The following RUFY1 variants were observed in gnomAD, a reference collection of about 807,000 sequenced individuals.
RUFY1 encodes the protein RUN and FYVE domain containing 1, also known as RUN and FYVE domain-containing protein 1.
RUFY1 carries 54 observed loss-of-function variants against 94.6 expected under a neutral mutation model. That is an observed-to-expected ratio of 0.57 (90% CI 0.46 to 0.72). RUFY1 has a LOEUF of 0.72. Ranked by LOEUF, RUFY1 falls within the 30% of genes least tolerant of loss-of-function variation. The pLI, the probability that RUFY1 is intolerant of heterozygous loss-of-function variation, is 0.00. For synonymous variants in RUFY1, 396 were observed against 347.3 expected (o/e 1.14, Z -1.56); for missense variants, 883 against 883.9 (o/e 1.00, Z 0.01).
intron 7 of RUFY1, among the ~76,000 whole-genome samples, chr5:179,583,803 G>A (rs1194157686): frequency 6.6e-6 from 1 of 151,026 alleles, no homozygotes; most frequent in Admixed American, 6.6e-5. Flanking sequence ...AGGCTGGAGT[G>A]CAGTGGCATG....
At chr5:179,559,391 A>G (rs994694084) in intron 1 of RUFY1, among the ~76,000 whole-genome samples, 2 of 152,264 alleles carry the variant, frequency 1.3e-5, no homozygotes, top group Admixed American at 1.3e-4. Flanking sequence ...AAAATTGTCC[A>G]CTAGTAGCGG....
At chr5:179,607,534 C>A (rs753436220) in intron 16 of RUFY1, 48 bp from the exon 17 acceptor site, 5 of 1,545,034 alleles carry the variant, frequency 3.2e-6, no homozygotes, top group African/African-American at 1.4e-5. Flanking sequence ...ACCCACTCAT[C>A]AGGGGCTTAG....
chr5:179,596,125 T>TA, intron 12 of RUFY1: 2 of 237,842 alleles, frequency 8.4e-6, no homozygotes, highest in South Asian at 9.2e-5. Flanking sequence ...AACAAAGTGG[T>TA]ACGTCTGTGC....
intron 1 of RUFY1, among the ~76,000 whole-genome samples, chr5:179,551,729 G>C (rs1172301978): frequency 6.9e-6 from 1 of 144,868 alleles, no homozygotes; most frequent in East Asian, 2.0e-4. Flanking sequence ...TGGCCAGGCT[G>C]GTCTTGAACT....
rs150106464 is a variant in RUFY1, at chr5:179,596,925, A to C, written c.1631+244A>C. 1,987 of 490,066 alleles carry C rather than the reference A, an allele frequency of 4.1e-3. 36 individuals are homozygous for C. Among genetic ancestry groups the C allele is most frequent in the African/African-American group, 0.031 (1,573 of 50,568 alleles). The allele number at this position is 490,066 out of a possible 1,614,324, so 30.4% of individuals were successfully genotyped here. On this transcript the variant is annotated intron_variant, in intron 13 of 17. Transcript: ENST00000319449. ...GATCTGGCCACTCTCAAACCATGGTACCAGGTCACAGCCTGTATCACCCTT... is the reference window on the plus strand; with the variant it reads ...GATCTGGCCACTCTCAAACCATGGTCCCAGGTCACAGCCTGTATCACCCTT...
chr5:179,551,065 C>T (rs987680516), intron 1 of RUFY1, among the ~76,000 whole-genome samples, 186 bp downstream of exon 1: 2 of 150,118 alleles, frequency 1.3e-5, no homozygotes, highest in Non-Finnish European at 3.0e-5. Flanking sequence ...AGACCGCCCC[C>T]CGCAGCCCCG....
At chr5:179,591,983 T>C (rs1335908393) in intron 10 of RUFY1, among the ~76,000 whole-genome samples, 2 of 152,230 alleles carry the variant, frequency 1.3e-5, no homozygotes, top group Non-Finnish European at 1.5e-5. Flanking sequence ...TCTCACTCTG[T>C]TGTCCAGGCT....
chr5:179,567,444 C>T lies in RUFY1; in HGVS notation c.603-17C>T, dbSNP rs1030439724. 5.6e-6 allele frequency: 9 copies of T among 1,593,582 alleles called. No individual in the cohort carries two copies. In the East Asian group the frequency reaches 6.7e-5, roughly 12 times the overall value. ...TGTTGTTATGCCACAATAGTTGATTCTCTGTTTGAATTCTAGGACAGCTGT... is the reference window on the plus strand; with the variant it reads ...TGTTGTTATGCCACAATAGTTGATTTTCTGTTTGAATTCTAGGACAGCTGT... On this transcript the variant is annotated splice_polypyrimidine_tract_variant and intron_variant, in intron 3 of 17. Transcript: ENST00000319449.
chr5:179,576,133 G>C (rs1000734729), intron 5 of RUFY1, among the ~76,000 whole-genome samples: 3 of 152,140 alleles, frequency 2.0e-5, no homozygotes, highest in Non-Finnish European at 4.4e-5. Context: ...AGTTGCATAG[G>C]TTCTGTGATA....
intron 5 of RUFY1, among the ~76,000 whole-genome samples, chr5:179,576,605 G>T (rs1054155669): frequency 1.3e-5 from 2 of 152,026 alleles, no homozygotes; most frequent in African/African-American, 4.8e-5. Context: ...GTTTTTAGTA[G>T]AGACAGGGTT....
chr5:179,604,707 C>T (rs985732721), intron 15 of RUFY1, among the ~76,000 whole-genome samples: 2 of 152,168 alleles, frequency 1.3e-5, no homozygotes, highest in African/African-American at 4.8e-5. Context: ...CCAGGCTGGG[C>T]GTGGGGGCTC....
rs1354227436 is a variant in RUFY1, at chr5:179,595,113, C to A, written c.1511+150C>A. ...ATCCCAACACTTTGGGAGGCCGACG[C>A]GGGAGGATCACTTAAGGTCAGAAGT... On this transcript the variant is annotated intron_variant, in intron 12 of 17. Coordinates refer to ENST00000319449, the MANE Select transcript of RUFY1 (RefSeq NM_025158.5). 6.8e-6 allele frequency: 4 copies of A among 589,266 alleles called. No individual in the cohort carries two copies. In the African/African-American group the frequency reaches 7.5e-5, roughly 11 times the overall value. The allele number at this position is 589,266 out of a possible 1,614,324, so 36.5% of individuals were successfully genotyped here. A position where few individuals can be genotyped will look rare whatever the true frequency, so the allele number is the denominator to read the frequency against.
intron 13 of RUFY1, among the ~76,000 whole-genome samples, chr5:179,597,605 C>T (rs1765799424): frequency 6.6e-6 from 1 of 152,192 alleles, no homozygotes; most frequent in Non-Finnish European, 1.5e-5. Context: ...CTTCTGGCCT[C>T]AAGTGATCCA....
At chr5:179,591,413 T>C (rs1413136287) in intron 9 of RUFY1, among the ~76,000 whole-genome samples, 2 of 150,022 alleles carry the variant, frequency 1.3e-5, no homozygotes, top group East Asian at 2.0e-4. Context: ...CTCGATCGCC[T>C]GACCTCGTGA....
intron 1 of RUFY1, among the ~76,000 whole-genome samples, chr5:179,551,666 C>G (rs1187364747): frequency 2.2e-5 from 3 of 136,018 alleles, no homozygotes; most frequent in African/African-American, 8.0e-5. Flanking sequence ...CGGCTAAGTT[C>G]CCCGCCCCCA....
chr5:179,602,420 A>G (rs1766533797), intron 15 of RUFY1: 2 of 160,290 alleles, frequency 1.2e-5, no homozygotes, highest in South Asian at 1.8e-4. Flanking sequence ...GGAACTGGCC[A>G]CTGCATCCGC....
intron 5 of RUFY1, among the ~76,000 whole-genome samples, chr5:179,573,139 C>G (rs1449076761): frequency 6.6e-6 from 1 of 152,164 alleles, no homozygotes; most frequent in Admixed American, 6.5e-5. Flanking sequence ...GTGACACATT[C>G]TTTTAATGAC....
chr5:179,587,225 T>C (rs1764677276), intron 8 of RUFY1, among the ~76,000 whole-genome samples: 1 of 152,056 alleles, frequency 6.6e-6, no homozygotes, highest in African/African-American at 2.4e-5. Flanking sequence ...GGCTAATTTT[T>C]TAACTCTTTG....
chr5:179,551,712 A>G lies in RUFY1; in HGVS notation c.310+833A>G, dbSNP rs1013122761. Among the ~76,000 whole-genome samples, 74 of 133,914 alleles carry G rather than the reference A, an allele frequency of 5.5e-4. 1 individual carries two copies. Among genetic ancestry groups the G allele is most frequent in the African/African-American group, 2.0e-3 (73 of 35,644 alleles). 87.9% of individuals were successfully genotyped at this position (133,914 alleles called of 152,430 possible). On this transcript the variant is annotated intron_variant, in intron 1 of 17. Coordinates refer to ENST00000319449, the MANE Select transcript of RUFY1 (RefSeq NM_025158.5). Reference sequence around the variant, plus strand: ...ATATTTTTAGTAGAAACGGGGTTTCACCATCTTGGCCAGGCTGGTCTTGAA... The same window carrying G: ...ATATTTTTAGTAGAAACGGGGTTTCGCCATCTTGGCCAGGCTGGTCTTGAA...
Sources: gnomAD v4.1 joint callset for allele counts (sites outside exome capture counted in the v4.1 genomes callset) on GRCh38, gnomAD v4.1.1 for gene constraint, MANE v1.5 for transcripts, NCBI Gene and HGNC (gene_info 2026-07-23, HGNC 2026-07-21) for gene names.